Variants in PPP1R1C observed in about 807,000 individuals in gnomAD.
PPP1R1C encodes the protein protein phosphatase 1 regulatory subunit 1C.
In PPP1R1C, 15 loss-of-function variants were observed where a neutral mutation model predicts 17.4. The observed-to-expected ratio is 0.86, with a 90% confidence interval of 0.58 to 1.33. The LOEUF (loss-of-function observed/expected upper bound fraction) is 1.33. Ranked by LOEUF, PPP1R1C falls within the 40% of genes most tolerant of loss-of-function variation. PPP1R1C has a pLI of 0.00. For synonymous variants in PPP1R1C, 35 were observed against 43.1 expected (o/e 0.81, Z 0.73); for missense variants, 143 against 130.0 (o/e 1.10, Z -0.48).
At chr2:181,985,367 T>C (rs536060759), upstream of PPP1R1C, among the ~76,000 whole-genome samples, 200 of 152,300 alleles carry the variant, frequency 1.3e-3, 1 homozygote, top group African/African-American at 4.8e-3. This position sits in a 1 kb window ranked among gnomAD's most constrained non-coding sequence, Gnocchi z 4.1. Context: ...ACAGAGCTTG[T>C]TAATTATGAA....
chr2:182,014,782 A>G (rs575017543), intron 2 of PPP1R1C, among the ~76,000 whole-genome samples: 2 of 151,238 alleles, frequency 1.3e-5, no homozygotes, highest in South Asian at 2.1e-4. Context: ...CCACTCTTCC[A>G]TCTCATTTCC....
At chr2:182,054,012 T>A (rs1180757153) in intron 2 of PPP1R1C, among the ~76,000 whole-genome samples, 4 of 152,152 alleles carry the variant, frequency 2.6e-5, no homozygotes, top group Non-Finnish European at 5.9e-5. Flanking sequence ...CCGGCCAGAT[T>A]CTTTAATCTC....
At chr2:182,059,867 T>C (rs1687799073) in intron 2 of PPP1R1C, among the ~76,000 whole-genome samples, 2 of 152,036 alleles carry the variant, frequency 1.3e-5, no homozygotes, top group South Asian at 2.1e-4. Context: ...TCAGATCCCA[T>C]TGTGTTTCTA....
In PPP1R1C at chr2:182,048,777, G is replaced by C. The variant is rs141830058; in HGVS notation, c.143-12665G>C. The C allele has an allele frequency of 1.8e-3, 268 of 152,246 alleles. 1 individual carries two copies. The highest frequency in any genetic ancestry group is 6.3e-3 in the African/African-American group (262 of 41,546). 9.4% of individuals were successfully genotyped at this position (152,246 alleles called of 1,614,324 possible). ...CCTAGTCAATAGTTGTAATCCAAAGGTCGCTGTAAAGAAAGAGATTCTACC... is the reference window on the plus strand; with the variant it reads ...CCTAGTCAATAGTTGTAATCCAAAGCTCGCTGTAAAGAAAGAGATTCTACC... On this transcript the variant is annotated intron_variant, in intron 2 of 4. Coordinates refer to ENST00000682840, the MANE Select transcript of PPP1R1C (RefSeq NM_001080545.3).
At chr2:182,020,612 C>CT (rs1270216730) in intron 2 of PPP1R1C, among the ~76,000 whole-genome samples, 11 of 152,174 alleles carry the variant, frequency 7.2e-5, no homozygotes, top group African/African-American at 2.4e-4. Context: ...TTCTTTGATT[C>CT]TTTTTCTCTT....
At chr2:182,044,697 A>C in intron 2 of PPP1R1C, among the ~76,000 whole-genome samples, 1 of 152,126 alleles carries the variant, frequency 6.6e-6, no homozygotes, top group East Asian at 1.9e-4. Flanking sequence ...TTTTCAATAG[A>C]GTTTAAACTC....
rs36081244 is a variant in PPP1R1C, at chr2:182,038,383, A to G, written c.143-23059A>G. Among the ~76,000 whole-genome samples the G allele has an allele frequency of 9.2e-3, 1,404 of 152,312 alleles. 8 individuals are homozygous for G. The highest frequency in any genetic ancestry group is 0.034 in the Middle Eastern group (10 of 294). ...TAACTATCCCTGTAGATTAGTGGATACATGGGCACCTGGAGTAAACTATCT... is the reference window on the plus strand; with the variant it reads ...TAACTATCCCTGTAGATTAGTGGATGCATGGGCACCTGGAGTAAACTATCT... On this transcript the variant is annotated intron_variant, in intron 2 of 4. Transcript: ENST00000682840.
chr2:182,125,040 T>C (rs1689841373), intron 5 of PPP1R1C, among the ~76,000 whole-genome samples: 1 of 152,226 alleles, frequency 6.6e-6, no homozygotes, highest in Non-Finnish European at 1.5e-5. Flanking sequence ...GGATTTCTCA[T>C]AAATAGCTCT....
chr2:182,015,548 C>A (rs774163900), intron 2 of PPP1R1C, among the ~76,000 whole-genome samples: 4 of 152,138 alleles, frequency 2.6e-5, no homozygotes, highest in Non-Finnish European at 4.4e-5. Flanking sequence ...CACTGGCTCT[C>A]ACCTAAGGCC....
chr2:181,973,414 A>G (rs1685045801), intron 1 of PPP1R1C, among the ~76,000 whole-genome samples: 3 of 152,224 alleles, frequency 2.0e-5, no homozygotes, highest in South Asian at 4.1e-4. Context: ...GAAGCAACAT[A>G]AGTCCAAAAC....
chr2:181,963,288 C>T (rs909302816), intron 1 of PPP1R1C, among the ~76,000 whole-genome samples: 1 of 152,106 alleles, frequency 6.6e-6, no homozygotes, highest in African/African-American at 2.4e-5. Flanking sequence ...ATAGAAAAAA[C>T]ACTATCCACA....
At chr2:182,129,785 G>A (rs1054683163) in exon 6 of PPP1R1C, 1 of 152,086 alleles carries the variant, frequency 6.6e-6, no homozygotes, top group African/African-American at 2.4e-5. Context: ...CTCCTTAGGA[G>A]CCATAGACTT....
intron 4 of PPP1R1C, among the ~76,000 whole-genome samples, chr2:182,095,958 G>A (rs561900458): frequency 6.7e-6 from 1 of 148,362 alleles, no homozygotes; most frequent in African/African-American, 2.5e-5. Flanking sequence ...CTGGGCAACA[G>A]AGCAGGACTC....
At chr2:182,071,027 C>G (rs922752484) in intron 4 of PPP1R1C, among the ~76,000 whole-genome samples, 2 of 152,292 alleles carry the variant, frequency 1.3e-5, no homozygotes, top group South Asian at 4.2e-4. Flanking sequence ...AATCACCTCC[C>G]ACCAAGCCCC....
At chr2:181,977,520 T>G (rs1250083724) in intron 2 of PPP1R1C, among the ~76,000 whole-genome samples, 2 of 152,162 alleles carry the variant, frequency 1.3e-5, no homozygotes, top group African/African-American at 4.8e-5. Context: ...TTTCAGGGCT[T>G]ATTTGACAAG....
At chr2:182,106,401 C>T (rs1484403150) in intron 4 of PPP1R1C, among the ~76,000 whole-genome samples, 1 of 152,196 alleles carries the variant, frequency 6.6e-6, no homozygotes, top group African/African-American at 2.4e-5. Flanking sequence ...CACAGACAAG[C>T]ACCAGCAGAC....
chr2:182,095,168 A>G (rs1406065035), intron 4 of PPP1R1C, among the ~76,000 whole-genome samples: 1 of 152,114 alleles, frequency 6.6e-6, no homozygotes, highest in Non-Finnish European at 1.5e-5. Flanking sequence ...GTGTGGTGGC[A>G]TGGACCTGTA....
At chr2:182,076,243 C>T (rs1268014164) in intron 4 of PPP1R1C, among the ~76,000 whole-genome samples, 3 of 33,790 alleles carry the variant, frequency 8.9e-5, no homozygotes, top group Middle Eastern at 0.062. Context: ...TTTTTTGAGA[C>T]GGAGTCTCGC....
chr2:182,030,001 G>A (rs534892895), intron 2 of PPP1R1C, among the ~76,000 whole-genome samples: 1,248 of 97,578 alleles, frequency 0.013, 27 homozygotes, highest in African/African-American at 0.05. Context: ...CCAGTTGATC[G>A]CATCGGCTCC....
Sources: allele counts gnomAD v4.1 joint callset (sites outside exome capture counted in the v4.1 genomes callset), GRCh38; gene constraint gnomAD v4.1.1; non-coding constraint Gnocchi (gnomAD v3.1); transcripts MANE v1.5; gene names NCBI Gene and HGNC (gene_info 2026-07-23, HGNC 2026-07-21).